CALD1: variants seen among roughly 807,000 people sequenced by gnomAD.
The protein encoded by CALD1 is caldesmon 1.
In CALD1, 33 loss-of-function variants were observed where a neutral mutation model predicts 99.9. The ratio of observed to expected loss-of-function variants is 0.33; its 90% confidence interval spans 0.25 to 0.44. The LOEUF (loss-of-function observed/expected upper bound fraction) is 0.44, where lower values mean the gene tolerates loss of function less well. Ranked by LOEUF, CALD1 falls within the 20% of genes least tolerant of loss-of-function variation. The pLI, the probability that CALD1 is intolerant of heterozygous loss-of-function variation, is 1.00. For synonymous variants in CALD1, 310 were observed against 325.0 expected, an observed-to-expected ratio of 0.95 and a Z score of 0.50; for missense variants, 861 against 962.1, an observed-to-expected ratio of 0.89 and a Z score of 1.39.
chr7:134,854,926 G>C (rs1420442797), intron 2 of CALD1, among the ~76,000 whole-genome samples: 1 of 152,160 alleles, frequency 6.6e-6, no homozygotes, highest in Non-Finnish European at 1.5e-5. Context: ...TGCTGTTCTC[G>C]TGATACTGAG....
At chr7:134,807,377 T>C (rs1798183989) in intron 1 of CALD1, among the ~76,000 whole-genome samples, 1 of 152,166 alleles carries the variant, frequency 6.6e-6, no homozygotes, top group South Asian at 2.1e-4. Flanking sequence ...ATCAGTACTG[T>C]TCTGTGTCAA....
chr7:134,860,756 T>C (rs978078100), intron 2 of CALD1, among the ~76,000 whole-genome samples: 2 of 152,232 alleles, frequency 1.3e-5, no homozygotes, highest in East Asian at 3.8e-4. Flanking sequence ...CAGTGTGTTA[T>C]TGATTATCAA....
intron 3 of CALD1, among the ~76,000 whole-genome samples, chr7:134,871,694 T>C (rs1004379095): frequency 6.6e-6 from 1 of 152,176 alleles, no homozygotes; most frequent in East Asian, 1.9e-4. Flanking sequence ...AGAAAGTCCA[T>C]TGACTTTCCT....
At chr7:134,957,693 T>C (rs1208322270) in intron 9 of CALD1, among the ~76,000 whole-genome samples, 1 of 152,240 alleles carries the variant, frequency 6.6e-6, no homozygotes, top group African/African-American at 2.4e-5. Context: ...AGTGCTAGGA[T>C]TATAGGTGTG....
chr7:134,854,652 A>T (rs987984122), intron 2 of CALD1, among the ~76,000 whole-genome samples: 1 of 152,170 alleles, frequency 6.6e-6, no homozygotes, highest in Non-Finnish European at 1.5e-5. Context: ...CATCTGTCAT[A>T]TAGCTGGCCC....
At chr7:134,894,407 G>C (rs1802418078) in intron 3 of CALD1, among the ~76,000 whole-genome samples, 1 of 152,172 alleles carries the variant, frequency 6.6e-6, no homozygotes, top group South Asian at 2.1e-4. Context: ...TGATGCTCCA[G>C]AAATATTCTT....
At chr7:134,799,365 G>T (rs1797861207) in intron 1 of CALD1, among the ~76,000 whole-genome samples, 1 of 152,198 alleles carries the variant, frequency 6.6e-6, no homozygotes, top group Admixed American at 6.5e-5. Context: ...TGAAAGGAAT[G>T]GTTGAACTAA....
At chr7:134,895,686 C>A (rs1296420310) in intron 3 of CALD1, among the ~76,000 whole-genome samples, 9 of 152,144 alleles carry the variant, frequency 5.9e-5, no homozygotes, top group Non-Finnish European at 1.3e-4. Flanking sequence ...GAGAGGCCTT[C>A]TCTCCTACAA....
intron 5 of CALD1, among the ~76,000 whole-genome samples, chr7:134,934,562 G>T (rs1009147381): frequency 6.6e-6 from 1 of 152,114 alleles, no homozygotes; most frequent in African/African-American, 2.4e-5. Flanking sequence ...GAGACATGAA[G>T]AATAATGGTC....
At chr7:134,740,183 T>G (rs1331542055), upstream of CALD1, among the ~76,000 whole-genome samples, 1 of 152,156 alleles carries the variant, frequency 6.6e-6, no homozygotes, top group Non-Finnish European at 1.5e-5. Context: ...GGCTCTGCAA[T>G]TGAACTGTTG....
At chr7:134,869,982 G>A (rs1800990251) in intron 3 of CALD1, among the ~76,000 whole-genome samples, 1 of 152,122 alleles carries the variant, frequency 6.6e-6, no homozygotes, top group South Asian at 2.1e-4. Context: ...GGCAGTGGCC[G>A]GGCTCAGTGA....
At chr7:134,832,608 A>G (rs549175697) in intron 1 of CALD1, among the ~76,000 whole-genome samples, 3 of 152,310 alleles carry the variant, frequency 2.0e-5, no homozygotes, top group African/African-American at 4.8e-5. Flanking sequence ...CAAACAGCCT[A>G]AGAACATAAT....
At chr7:134,856,149 T>A (rs985264731) in intron 2 of CALD1, among the ~76,000 whole-genome samples, 14 of 152,192 alleles carry the variant, frequency 9.2e-5, no homozygotes, top group African/African-American at 3.1e-4. Context: ...CTCTTTTGGT[T>A]TGAATCCTCG....
chr7:134,891,616 C>T (rs1802180825), intron 3 of CALD1: 1 of 1,608,064 alleles, frequency 6.2e-7, no homozygotes, highest in Non-Finnish European at 8.5e-7. Context: ...TTCCCAACTG[C>T]GGACATGCTG....
chr7:134,954,136 T>C (rs1362545583), intron 9 of CALD1, among the ~76,000 whole-genome samples: 1 of 152,212 alleles, frequency 6.6e-6, no homozygotes, highest in Non-Finnish European at 1.5e-5. Context: ...TACTACCAAC[T>C]ACTGTATTTT....
intron 2 of CALD1, among the ~76,000 whole-genome samples, chr7:134,850,242 T>G (rs972811751): frequency 6.6e-6 from 1 of 152,220 alleles, no homozygotes; most frequent in Non-Finnish European, 1.5e-5. Flanking sequence ...GTAAGAGCAT[T>G]TGTAGAAGAA....
Position 134,968,951 on chromosome 7 carries a change from G to A in CALD1, c.*606G>A. ...TACATTATTATGTTAGCTGACAGTG[G>A]TACTGATTTTTTAGGTTGGTTGTTT... is the stretch of plus-strand genomic sequence containing the variant. On this transcript the variant is annotated 3_prime_UTR_variant, in exon 15 of 15. Transcript: ENST00000361675. 5.8e-6 allele frequency: 1 copy of A among 171,878 alleles called. No homozygotes were observed. The highest frequency in any genetic ancestry group is 1.3e-5 in the Non-Finnish European group (1 of 77,842). 10.6% of individuals were successfully genotyped at this position (171,878 alleles called of 1,614,324 possible). A position where few individuals can be genotyped will look rare whatever the true frequency, so the allele number is the denominator to read the frequency against.
At chr7:134,890,770 A>C (rs1802122948) in intron 3 of CALD1, among the ~76,000 whole-genome samples, 1 of 152,206 alleles carries the variant, frequency 6.6e-6, no homozygotes, top group Admixed American at 6.5e-5. Context: ...CCATGGGTGC[A>C]GACGGGGCCT....
At chr7:134,950,055 A>G (rs745709678) in intron 8 of CALD1, among the ~76,000 whole-genome samples, 3 of 152,228 alleles carry the variant, frequency 2.0e-5, no homozygotes, top group Non-Finnish European at 4.4e-5. Context: ...TACATGTGCT[A>G]TCTCACTGAG....
Sources: gnomAD v4.1 joint callset for allele counts (sites outside exome capture counted in the v4.1 genomes callset) on GRCh38, gnomAD v4.1.1 for gene constraint, MANE v1.5 for transcripts, NCBI Gene and HGNC (gene_info 2026-07-23, HGNC 2026-07-21) for gene names.